FAM135B: variants seen among roughly 807,000 people sequenced by gnomAD.
The protein encoded by FAM135B is protein FAM135B.
Under a neutral mutation model 127.7 loss-of-function variants are expected in FAM135B, and 43 were observed. The ratio of observed to expected loss-of-function variants is 0.34; its 90% CI spans 0.26 to 0.43. The LOEUF is 0.43. FAM135B is among the 20% of genes least tolerant of loss of function. The probability of loss-of-function intolerance (pLI) is 1.00; values close to 1 mark genes in which losing one functional copy is unlikely to be tolerated. For synonymous variants in FAM135B, 670 were observed against 665.1 expected, an observed-to-expected ratio of 1.01 and a Z score of -0.11; for missense variants, 1,558 against 1,725.6, an observed-to-expected ratio of 0.90 and a Z score of 1.72.
At chr8:138,445,440 A>T (rs1341679905) in intron 1 of FAM135B, among the ~76,000 whole-genome samples, 15 of 152,226 alleles carry the variant, frequency 9.9e-5, no homozygotes, top group Non-Finnish European at 1.8e-4. Flanking sequence ...CAGCACATCA[A>T]AAAGCTTATC....
intron 11 of FAM135B, among the ~76,000 whole-genome samples, chr8:138,168,951 C>T (rs1820187052): frequency 1.3e-5 from 2 of 152,090 alleles, no homozygotes; most frequent in Admixed American, 6.5e-5. Flanking sequence ...CCTCTGGAAG[C>T]CCCCCTTCTC....
chr8:138,345,110 G>C (rs1039047046), intron 2 of FAM135B, among the ~76,000 whole-genome samples: 1 of 152,160 alleles, frequency 6.6e-6, no homozygotes, highest in African/African-American at 2.4e-5. Flanking sequence ...TGGAGGATGA[G>C]GGTCAGAATA....
Position 138,242,672 on chromosome 8 carries a change from A to G in FAM135B, c.669+270T>C, listed in dbSNP as rs570092455. Among the ~76,000 whole-genome samples the G allele has an allele frequency of 6.6e-6, 1 of 152,256 alleles. No individual in the cohort carries two copies. Among genetic ancestry groups the G allele is most frequent in the South Asian group, 2.1e-4 (1 of 4,826 alleles). On this transcript the variant is annotated intron_variant, in intron 7 of 19. Transcript: ENST00000395297. The surrounding 1 kb of genome is among the most constrained non-coding windows in gnomAD (Gnocchi z 9.6). Reference sequence around the variant, plus strand: ...CCCTCACAGCACAGCCTCCTGACCTACAGAGAACCATATTCTTCCAAGAGA... The same window carrying G: ...CCCTCACAGCACAGCCTCCTGACCTGCAGAGAACCATATTCTTCCAAGAGA...
At chr8:138,217,040 G>A (rs776945126) in intron 7 of FAM135B, among the ~76,000 whole-genome samples, 6 of 152,094 alleles carry the variant, frequency 3.9e-5, no homozygotes, top group South Asian at 2.1e-4. Flanking sequence ...TAGTCACCTC[G>A]AAGCTGCGAG....
intron 1 of FAM135B, among the ~76,000 whole-genome samples, chr8:138,476,400 T>C (rs2131670953): frequency 6.6e-6 from 1 of 152,052 alleles, no homozygotes; most frequent in Middle Eastern, 3.4e-3. Flanking sequence ...TCATTAATTA[T>C]AAGAAATGGA....
chr8:138,349,320 T>C (rs952314634), intron 2 of FAM135B, among the ~76,000 whole-genome samples: 1 of 152,206 alleles, frequency 6.6e-6, no homozygotes, highest in Non-Finnish European at 1.5e-5. Flanking sequence ...GACTTGGAAG[T>C]GAGACAGACT....
chr8:138,285,554 A>C (rs1824613492), intron 3 of FAM135B, among the ~76,000 whole-genome samples: 1 of 152,196 alleles, frequency 6.6e-6, no homozygotes, highest in Non-Finnish European at 1.5e-5. Context: ...ATATCAACAA[A>C]AAATCTAGCA....
chr8:138,166,329 G>T (rs181792853), intron 12 of FAM135B, among the ~76,000 whole-genome samples: 7 of 152,286 alleles, frequency 4.6e-5, no homozygotes, highest in Non-Finnish European at 8.8e-5. Flanking sequence ...TTGACCTCTT[G>T]CCCACTCCCC....
chr8:138,283,749 G>A (rs1824458539), intron 3 of FAM135B, among the ~76,000 whole-genome samples: 1 of 152,122 alleles, frequency 6.6e-6, no homozygotes, highest in East Asian at 1.9e-4. Flanking sequence ...CCACTAGCTT[G>A]TAATCAGTTG....
In FAM135B at chr8:138,178,707, G is replaced by T; in HGVS notation, c.874-17C>A. ...GTTCAACATCTGGAGAGGCAAAAAA[G>T]GTGGTATTCAAGGCTCCTGACTCCA... On this transcript the variant is annotated splice_polypyrimidine_tract_variant and intron_variant, in intron 9 of 19. Transcript: ENST00000395297. The T allele has an allele frequency of 6.2e-7, 1 of 1,610,894 alleles. No homozygotes were observed. Among genetic ancestry groups the T allele is most frequent in the South Asian group, 1.1e-5 (1 of 90,900 alleles).
chr8:138,281,118 G>T (rs1824232897), intron 3 of FAM135B, among the ~76,000 whole-genome samples: 1 of 152,074 alleles, frequency 6.6e-6, no homozygotes, highest in African/African-American at 2.4e-5. Flanking sequence ...CAGGCTGAAG[G>T]CTGTAAAATA....
chr8:138,170,780 T>A (rs7812850), intron 11 of FAM135B, among the ~76,000 whole-genome samples: 2 of 151,988 alleles, frequency 1.3e-5, no homozygotes, highest in East Asian at 3.9e-4. Context: ...AGGGTGTCTC[T>A]GGAGGAGACT....
intron 2 of FAM135B, among the ~76,000 whole-genome samples, chr8:138,345,891 T>C (rs1046695608): frequency 5.9e-5 from 9 of 152,162 alleles, no homozygotes; most frequent in African/African-American, 1.9e-4. Flanking sequence ...TTAAGTTATA[T>C]GTTTTGCAAT....
intron 7 of FAM135B, among the ~76,000 whole-genome samples, chr8:138,232,538 C>A (rs887213165): frequency 6.6e-6 from 1 of 152,118 alleles, no homozygotes; most frequent in Non-Finnish European, 1.5e-5. Context: ...CAAAGCCCCC[C>A]TTAGTGTGTG....
chr8:138,487,900 A>T (rs986951503), intron 1 of FAM135B, among the ~76,000 whole-genome samples: 1 of 152,092 alleles, frequency 6.6e-6, no homozygotes, highest in Non-Finnish European at 1.5e-5. Context: ...GCTACTGGGG[A>T]GGCCGAGGCA....
chr8:138,324,425 G>T (rs760503530), intron 2 of FAM135B, among the ~76,000 whole-genome samples: 2 of 152,094 alleles, frequency 1.3e-5, no homozygotes, highest in African/African-American at 4.8e-5. Context: ...AATGACAAAG[G>T]GTAAAGCCAT....
In FAM135B at chr8:138,241,709, G is replaced by A. The variant is rs1267098310; in HGVS notation, c.669+1233C>T. Among the ~76,000 whole-genome samples the A allele has an allele frequency of 6.6e-6, 1 of 152,172 alleles. No homozygotes were observed. The highest frequency in any genetic ancestry group is 1.9e-4 in the East Asian group (1 of 5,184). On this transcript the variant is annotated intron_variant, in intron 7 of 19. Transcript: ENST00000395297. This position sits in a 1 kb window ranked among gnomAD's most constrained non-coding sequence, Gnocchi z 4.8. Reference sequence around the variant, plus strand: ...TCACACTTATAATGTGGGCTACTCAGAAATTAGTAGTGATAGTTACTATTA... The same window carrying A: ...TCACACTTATAATGTGGGCTACTCAAAAATTAGTAGTGATAGTTACTATTA...
chr8:138,253,315 T>A (rs1337532244), intron 5 of FAM135B, among the ~76,000 whole-genome samples: 1 of 152,056 alleles, frequency 6.6e-6, no homozygotes, highest in Non-Finnish European at 1.5e-5. Context: ...TTCTGATGGG[T>A]CTTTGCAGAG....
intron 7 of FAM135B, among the ~76,000 whole-genome samples, chr8:138,202,642 G>A (rs1240470243): frequency 2.0e-5 from 3 of 152,168 alleles, no homozygotes; most frequent in Non-Finnish European, 4.4e-5. Flanking sequence ...TGAAAAGAGG[G>A]CACAGTCCTG....
Sources: allele counts gnomAD v4.1 joint callset (sites outside exome capture counted in the v4.1 genomes callset), GRCh38; gene constraint gnomAD v4.1.1; non-coding constraint Gnocchi (gnomAD v3.1); transcripts MANE v1.5; gene names NCBI Gene and HGNC (gene_info 2026-07-23, HGNC 2026-07-21).